Variants in FADS2 observed in about 807,000 individuals in gnomAD.
The protein encoded by FADS2 is fatty acid desaturase 2, also known as acyl-CoA 6-desaturase.
In FADS2, 18 loss-of-function variants were observed where a neutral mutation model predicts 61.2. The observed-to-expected ratio is 0.29, with a 90% CI of 0.20 to 0.44. FADS2 has a LOEUF of 0.44. Among genes scored for constraint, FADS2 ranks in the 20% least tolerant of loss-of-function variants. FADS2 has a pLI of 1.00. For missense variants in FADS2, 322 were observed against 572.7 expected, an observed-to-expected ratio of 0.56 and a Z score of 4.47; for synonymous variants, 203 against 223.9, an observed-to-expected ratio of 0.91 and a Z score of 0.83.
Position 61,819,719 on chromosome 11 carries a change from CTTTTA to C in FADS2, c.141+3301_141+3305del, listed in dbSNP as rs1341676199. On this transcript the variant is annotated intron_variant, in intron 1 of 11. Coordinates refer to the FADS2 transcript ENST00000257261. ...TCAAGGAAAAATGTTTTATGTAAAT[CTTTTA>C]TTTTATTATACTTTAAGTTTTAAGG... Among the ~76,000 whole-genome samples, 11 of 152,080 alleles carry C rather than the reference CTTTTA, an allele frequency of 7.2e-5. No homozygotes were observed. In the East Asian group the frequency reaches 1.3e-3, roughly 19 times the overall value.
chr11:61,857,583 G>A, intron 7 of FADS2, 53 bp downstream of exon 7: 2 of 1,499,622 alleles, frequency 1.3e-6, no homozygotes, highest in Non-Finnish European at 1.9e-6. Context: ...ACTGGGACAG[G>A]GGGACCCGGG....
Position 61,816,994 on chromosome 11 carries a change from C to G in FADS2, c.141+568C>G. On this transcript the variant is annotated intron_variant, in intron 1 of 11. Coordinates refer to the FADS2 transcript ENST00000257261. This position sits in a 1 kb window ranked among gnomAD's most constrained non-coding sequence, Gnocchi z 7.0. ...CCGGTGGGTCTTGGGCAACTCACAG[C>G]TGGGCTGCCAACACGCGCCCCCTCG... 1 of 1,335,362 alleles carries G rather than the reference C, an allele frequency of 7.5e-7. No individual in the cohort carries two copies. The highest frequency in any genetic ancestry group is 3.1e-5 in the East Asian group (1 of 32,154). The allele number at this position is 1,335,362 out of a possible 1,614,324, so 82.7% of individuals were successfully genotyped here.
upstream of FADS2, among the ~76,000 whole-genome samples, chr11:61,824,433 AGG>A (rs1485000496): frequency 0.086 from 525 of 6,094 alleles, 53 homozygotes; most frequent in East Asian, 0.21. Flanking sequence ...AGAGAGAGAG[AGG>A]GAGGGAGGGA....
chr11:61,862,663 G>T, intron 7 of FADS2: 1 of 376,750 alleles, frequency 2.7e-6, no homozygotes, highest in South Asian at 2.8e-5. Context: ...AATCGCCCTT[G>T]CCCCACGAGA....
intron 4 of FADS2, among the ~76,000 whole-genome samples, chr11:61,845,941 T>C (rs962110943): frequency 1.3e-5 from 2 of 152,144 alleles, no homozygotes; most frequent in African/African-American, 4.8e-5. Context: ...CCTCCATCTG[T>C]TTGTTCAATA....
At chr11:61,860,925 G>A (rs1437774677) in intron 7 of FADS2, among the ~76,000 whole-genome samples, 1 of 151,364 alleles carries the variant, frequency 6.6e-6, no homozygotes, top group East Asian at 2.0e-4. Flanking sequence ...TAAAAGTTGG[G>A]CCAGGGCAAT....
chr11:61,849,340 C>T (rs1367987421), intron 5 of FADS2, among the ~76,000 whole-genome samples: 1 of 152,184 alleles, frequency 6.6e-6, no homozygotes, highest in Admixed American at 6.5e-5. Flanking sequence ...TTGGTATAAA[C>T]TTCTAAACAG....
At chr11:61,832,799 T>C (rs2067139867) in intron 1 of FADS2, among the ~76,000 whole-genome samples, 1 of 152,222 alleles carries the variant, frequency 6.6e-6, no homozygotes, top group South Asian at 2.1e-4. Flanking sequence ...ACTTGTTCCA[T>C]AAAGTTCTGG....
In FADS2 at chr11:61,865,712, T is replaced by G. The variant is rs1276690661; in HGVS notation, c.*23T>G. Reference sequence around the variant, plus strand: ...TGAAGCCACAGCCCCCGGGACACCGTGGGGAAGGGGTGCAGGTGGGGTGAT... The same window carrying G: ...TGAAGCCACAGCCCCCGGGACACCGGGGGGAAGGGGTGCAGGTGGGGTGAT... On this transcript the variant is annotated 3_prime_UTR_variant, in exon 12 of 12. Transcript: ENST00000278840. The surrounding 1 kb of genome is among the most constrained non-coding windows in gnomAD (Gnocchi z 4.1). 1 of 1,600,448 alleles carries G rather than the reference T, an allele frequency of 6.2e-7. No homozygotes were observed. The highest frequency in any genetic ancestry group is 2.2e-5 in the East Asian group (1 of 44,548).
At chr11:61,837,476 C>T (rs1021236458) in intron 1 of FADS2, among the ~76,000 whole-genome samples, 1 of 152,240 alleles carries the variant, frequency 6.6e-6, no homozygotes, top group Non-Finnish European at 1.5e-5. Flanking sequence ...GTGCGCCTTC[C>T]TGGAGGGTCA....
chr11:61,816,746 G>T lies in FADS2; in HGVS notation c.141+320G>T. ...TGAGCCGCGGTCTCGGCGGCCACCG[G>T]GTCGGGGGCCATAGCTGGCCTGGCG... is the stretch of plus-strand genomic sequence containing the variant. On this transcript the variant is annotated intron_variant, in intron 1 of 11. Transcript: ENST00000257261. This position sits in a 1 kb window ranked among gnomAD's most constrained non-coding sequence, Gnocchi z 7.0. The T allele has an allele frequency of 6.4e-7, 1 of 1,551,004 alleles. No individual in the cohort carries two copies. Among genetic ancestry groups the T allele is most frequent in the Middle Eastern group, 1.9e-4 (1 of 5,348 alleles).
At chr11:61,845,610 T>C (rs185315183) in intron 4 of FADS2, among the ~76,000 whole-genome samples, 1 of 152,054 alleles carries the variant, frequency 6.6e-6, no homozygotes, top group African/African-American at 2.4e-5. Flanking sequence ...CTGGCCAACA[T>C]GGTGAAACCC....
intron 5 of FADS2, among the ~76,000 whole-genome samples, chr11:61,852,055 G>A (rs1419772241): frequency 2.0e-5 from 3 of 151,996 alleles, no homozygotes; most frequent in East Asian, 1.9e-4. Flanking sequence ...CAGTTTTCCC[G>A]GCACCCCCAT....
chr11:61,822,681 G>T (rs757479118), intron 1 of FADS2, among the ~76,000 whole-genome samples: 11 of 152,116 alleles, frequency 7.2e-5, no homozygotes, highest in South Asian at 2.1e-4. Context: ...GGCCTTTAAT[G>T]TAACTTTCCA....
At chr11:61,838,191 G>A (rs1487966331) in intron 2 of FADS2, among the ~76,000 whole-genome samples, 1 of 152,164 alleles carries the variant, frequency 6.6e-6, no homozygotes, top group Non-Finnish European at 1.5e-5. Flanking sequence ...CAGAAACACC[G>A]AAAAATGTCA....
intron 1 of FADS2, among the ~76,000 whole-genome samples, chr11:61,830,073 C>G (rs2067116199): frequency 6.6e-6 from 1 of 152,186 alleles, no homozygotes. Flanking sequence ...GTTTCACATA[C>G]CTTCAGTGCT....
In FADS2 at chr11:61,865,894, C is replaced by CTCAGCCG; in HGVS notation, c.*212_*218dup. 1 of 577,990 alleles carries CTCAGCCG rather than the reference C, an allele frequency of 1.7e-6. No homozygotes were observed. The highest frequency in any genetic ancestry group is 3.1e-6 in the Non-Finnish European group (1 of 323,752). 35.8% of individuals were successfully genotyped at this position (577,990 alleles called of 1,614,324 possible). A position where few individuals can be genotyped will look rare whatever the true frequency, so the allele number is the denominator to read the frequency against. On this transcript the variant is annotated 3_prime_UTR_variant, in exon 12 of 12. Coordinates refer to ENST00000278840, the MANE Select transcript of FADS2 (RefSeq NM_004265.4). The surrounding 1 kb of genome is among the most constrained non-coding windows in gnomAD (Gnocchi z 4.1). ...CCTGCCCTCATGGGACCTGCCCTCC[C>CTCAGCCG]TCAGCCGTCAGCCATCAGCCATGGC...
chr11:61,857,386 G>T, intron 6 of FADS2, 68 bp from the exon 7 acceptor site: 1 of 1,441,780 alleles, frequency 6.9e-7, no homozygotes. Context: ...CTGGGCCTGG[G>T]TTCCCCTGAC....
At chr11:61,830,396 T>G (rs570452579) in intron 1 of FADS2, among the ~76,000 whole-genome samples, 20 of 152,386 alleles carry the variant, frequency 1.3e-4, no homozygotes, top group African/African-American at 4.8e-4. Context: ...CATATCAGAT[T>G]GATTTATTTC....
Sources: gnomAD v4.1 joint callset for allele counts (sites outside exome capture counted in the v4.1 genomes callset) on GRCh38, gnomAD v4.1.1 for gene constraint, Gnocchi (gnomAD v3.1) non-coding constraint, MANE v1.5 for transcripts, NCBI Gene and HGNC (gene_info 2026-07-23, HGNC 2026-07-21) for gene names.